NEK7: variants seen among roughly 807,000 people sequenced by gnomAD.
NEK7 encodes NIMA related kinase 7.
Under a neutral mutation model 44.6 loss-of-function variants are expected in NEK7, and 18 were observed. The ratio of observed to expected loss-of-function variants is 0.40; its 90% confidence interval spans 0.28 to 0.60. The LOEUF (loss-of-function observed/expected upper bound fraction) is 0.60, where lower values mean the gene tolerates loss of function less well. Among genes scored for constraint, NEK7 ranks in the 20% least tolerant of loss-of-function variants. The pLI, the probability that NEK7 is intolerant of heterozygous loss-of-function variation, is 0.38. For synonymous variants in NEK7, 130 were observed against 121.1 expected, an observed-to-expected ratio of 1.07 and a Z score of -0.48; for missense variants, 256 against 366.5, an observed-to-expected ratio of 0.70 and a Z score of 2.46.
chr1:198,307,325 G>A (rs1655047781), intron 9 of NEK7, among the ~76,000 whole-genome samples: 1 of 152,082 alleles, frequency 6.6e-6, no homozygotes, highest in Non-Finnish European at 1.5e-5. Context: ...AAATACCTAA[G>A]TGATGTTTGA....
At chr1:198,289,052 A>G (rs1164032465) in intron 7 of NEK7, among the ~76,000 whole-genome samples, 2 of 152,010 alleles carry the variant, frequency 1.3e-5, no homozygotes, top group African/African-American at 2.4e-5. Flanking sequence ...GCCTCTCTCC[A>G]TTCTGTCTGC....
chr1:198,159,846 T>G (rs1571489531), intron 1 of NEK7, among the ~76,000 whole-genome samples: 1 of 152,240 alleles, frequency 6.6e-6, no homozygotes, highest in East Asian at 1.9e-4. Context: ...CATACCTGAT[T>G]AATAAATTTA....
chr1:198,180,033 T>C (rs986834027), intron 1 of NEK7, among the ~76,000 whole-genome samples: 4 of 152,268 alleles, frequency 2.6e-5, no homozygotes, highest in African/African-American at 9.6e-5. Context: ...TGAGAAGATA[T>C]CTGTGGAAAC....
At chr1:198,184,971 A>G (rs569166231) in intron 1 of NEK7, among the ~76,000 whole-genome samples, 12 of 152,220 alleles carry the variant, frequency 7.9e-5, no homozygotes, top group Middle Eastern at 3.4e-3. Flanking sequence ...GGGATCCCCA[A>G]CAAAATATTT....
intron 9 of NEK7, among the ~76,000 whole-genome samples, chr1:198,303,222 G>A (rs1269573688): frequency 6.6e-6 from 1 of 152,048 alleles, no homozygotes; most frequent in Non-Finnish European, 1.5e-5. Context: ...TAGCAAATAT[G>A]TTGATCCATA....
intron 9 of NEK7, among the ~76,000 whole-genome samples, chr1:198,317,943 TCTTAGATCAC>T (rs1020578615): frequency 2.1e-5 from 3 of 141,824 alleles, no homozygotes; most frequent in Non-Finnish European, 4.6e-5. Context: ...TGTAAATTTC[TCTTAGATCAC>T]CATAATAAAA....
intron 7 of NEK7, among the ~76,000 whole-genome samples, chr1:198,289,500 A>G (rs1359353325): frequency 1.3e-5 from 2 of 152,158 alleles, no homozygotes; most frequent in Non-Finnish European, 2.9e-5. Flanking sequence ...AAGGAAATAA[A>G]AAGAGAAGTT....
At chr1:198,230,450 A>T (rs552026560) in intron 1 of NEK7, among the ~76,000 whole-genome samples, 1 of 152,170 alleles carries the variant, frequency 6.6e-6, no homozygotes, top group Non-Finnish European at 1.5e-5. Context: ...ATTTCAAGAT[A>T]CACAAATTTT....
intron 1 of NEK7, among the ~76,000 whole-genome samples, chr1:198,215,428 G>A (rs1306843047): frequency 1.3e-5 from 2 of 152,122 alleles, no homozygotes; most frequent in Non-Finnish European, 2.9e-5. Context: ...TTTGAATGCA[G>A]CCCAACACAA....
At chr1:198,283,122 T>A (rs1264337529) in intron 7 of NEK7, among the ~76,000 whole-genome samples, 1 of 152,128 alleles carries the variant, frequency 6.6e-6, no homozygotes, top group Non-Finnish European at 1.5e-5. Flanking sequence ...ATAAGCTCTG[T>A]CTGCTGGAAC....
chr1:198,174,421 G>A lies in NEK7; in HGVS notation c.-29+17145G>A, dbSNP rs547939322. 9.9e-5 allele frequency among the ~76,000 whole-genome samples: 15 copies of A among 151,998 alleles called. No individual in the cohort carries two copies. In the East Asian group the frequency reaches 2.1e-3, roughly 22 times the overall value. ...GTATTATGCTTCGTTTCTTGTGTAC[G>A]TGGGGAGGTGGGTAGGAGGGGGAGG... On this transcript the variant is annotated intron_variant, in intron 1 of 9. Coordinates refer to ENST00000367385, the MANE Select transcript of NEK7 (RefSeq NM_133494.3).
In NEK7 at chr1:198,262,641, A is replaced by G. The variant is rs1211084601; in HGVS notation, c.261+4A>G. ...CAAAGAAATAGATCTTCTTAAGGTAATTAATGAACTGTTGACTCTTTTGAA... is the reference window on the plus strand; with the variant it reads ...CAAAGAAATAGATCTTCTTAAGGTAGTTAATGAACTGTTGACTCTTTTGAA... On this transcript the variant is annotated splice_donor_region_variant and intron_variant, in intron 4 of 9. Transcript: ENST00000367385. 9.1e-6 allele frequency: 14 copies of G among 1,545,708 alleles called. No homozygotes were observed. The highest frequency in any genetic ancestry group is 1.2e-5 in the Non-Finnish European group (14 of 1,126,320).
At chr1:198,240,799 G>A (rs535770316) in intron 2 of NEK7, among the ~76,000 whole-genome samples, 94 of 152,256 alleles carry the variant, frequency 6.2e-4, no homozygotes, top group African/African-American at 2.1e-3. Flanking sequence ...GGGTTTAAGC[G>A]ATTCTCCTGC....
intron 1 of NEK7, among the ~76,000 whole-genome samples, chr1:198,180,277 TC>T (rs1344205100): frequency 6.6e-6 from 1 of 151,468 alleles, no homozygotes; most frequent in Non-Finnish European, 1.5e-5. Context: ...AGAAAATTAA[TC>T]AATAACGAAG....
intron 1 of NEK7, among the ~76,000 whole-genome samples, chr1:198,160,307 C>A (rs2102693565): frequency 6.7e-6 from 1 of 148,806 alleles, no homozygotes; most frequent in African/African-American, 2.5e-5. Flanking sequence ...GGTTTTGTTT[C>A]CCTTGATTTT....
chr1:198,157,399 C>T (rs1663930565), intron 1 of NEK7, 123 bp downstream of exon 1: 1 of 152,246 alleles, frequency 6.6e-6, no homozygotes. Context: ...GGGATACCCT[C>T]GCTCGGGGTA....
At chr1:198,253,709 C>A (rs1207109292) in intron 3 of NEK7, among the ~76,000 whole-genome samples, 2 of 152,124 alleles carry the variant, frequency 1.3e-5, no homozygotes, top group African/African-American at 4.8e-5. Flanking sequence ...ATTCTGGAAT[C>A]AGATTTGCTC....
At chr1:198,233,002 C>T (rs1666443740) in intron 2 of NEK7, among the ~76,000 whole-genome samples, 4 of 150,054 alleles carry the variant, frequency 2.7e-5, no homozygotes. Context: ...CATTTACAAA[C>T]ATGAAAACAA....
At chr1:198,164,069 C>T (rs776184143) in intron 1 of NEK7, among the ~76,000 whole-genome samples, 1 of 152,060 alleles carries the variant, frequency 6.6e-6, no homozygotes, top group Admixed American at 6.6e-5. Flanking sequence ...GACAAAACCC[C>T]ATCTTTACTA....
Sources: gnomAD v4.1 joint callset for allele counts (sites outside exome capture counted in the v4.1 genomes callset) on GRCh38, gnomAD v4.1.1 for gene constraint, MANE v1.5 for transcripts, NCBI Gene and HGNC (gene_info 2026-07-23, HGNC 2026-07-21) for gene names.